PLEKHO1: variants seen among roughly 807,000 people sequenced by gnomAD.
PLEKHO1 encodes pleckstrin homology domain-containing family O member 1.
In PLEKHO1, 22 loss-of-function variants were observed where a neutral mutation model predicts 41.4. The observed-to-expected ratio is 0.53, with a 90% CI of 0.38 to 0.76. PLEKHO1 has a LOEUF of 0.76. PLEKHO1 is among the 30% of genes least tolerant of loss of function. The pLI is 0.00. For missense variants in PLEKHO1, 488 were observed against 518.3 expected (o/e 0.94, Z 0.57); for synonymous variants, 225 against 210.8 (o/e 1.07, Z -0.58).
chr1:150,154,119 C>T (rs1553819800), intron 2 of PLEKHO1: 2 of 151,446 alleles, frequency 1.3e-5, no homozygotes, highest in Admixed American at 6.6e-5. Context: ...CCTTCCCTTC[C>T]CCTAAGGAAA....
In PLEKHO1 at chr1:150,150,287, G is replaced by A. The variant is rs1379157892; in HGVS notation, c.30G>A (p.Arg10=). ...TGAAGAAGAACAATTCCGCCAAGCG[G>A]GTGAGTGCGCTTGCCCGCCCTGCGG... is the stretch of plus-strand genomic sequence containing the variant. MMKKNNSAK[R]GPQDGNQQPA... Residue 10 remains arginine (R), a splice_region_variant and synonymous_variant, in exon 1 of 6, where the codon CGG becomes CGA. Coordinates refer to ENST00000369124, the MANE Select transcript of PLEKHO1 (RefSeq NM_016274.6). The A allele has an allele frequency of 9.0e-7, 1 of 1,113,460 alleles. No individual in the cohort carries two copies. Among genetic ancestry groups the A allele is most frequent in the African/African-American group, 1.7e-5 (1 of 60,188 alleles). The allele number at this position is 1,113,460 out of a possible 1,614,324, so 69.0% of individuals were successfully genotyped here.
At chr1:150,156,316 T>G in intron 3 of PLEKHO1, 110 bp downstream of exon 3, 1 of 871,506 alleles carries the variant, frequency 1.1e-6, no homozygotes, top group Non-Finnish European at 1.8e-6. Flanking sequence ...TCAGATTCCC[T>G]GAATTGCTCT....
Position 150,158,869 on chromosome 1 carries a change from G to A in PLEKHO1, c.576G>A (p.Glu192=), listed in dbSNP as rs782601318. The A allele has an allele frequency of 1.2e-6, 2 of 1,613,826 alleles. No individual in the cohort carries two copies. Among genetic ancestry groups the A allele is most frequent in the Non-Finnish European group, 8.5e-7 (1 of 1,179,738 alleles). Residue 192 remains glutamate, a synonymous_variant, in exon 6 of 6, where the codon GAG becomes GAA. Transcript: ENST00000369124. ...DGMLTLDLIQ[E]EDPSPEEPTS... ...TGCTGACCTTGGACTTGATCCAAGA[G>A]GAAGACCCTTCCCCTGAGGAACCAA... is the stretch of plus-strand genomic sequence containing the variant.
intron 3 of PLEKHO1, among the ~76,000 whole-genome samples, chr1:150,156,672 C>G (rs1476825313): frequency 6.6e-6 from 1 of 152,166 alleles, no homozygotes; most frequent in East Asian, 1.9e-4. Context: ...TAATACCATA[C>G]TAATATTCAG....
rs149847340 is a variant in PLEKHO1 at position 150,155,954 on chromosome 1, G to A, written c.178-112G>A. On this transcript the variant is annotated intron_variant, in intron 2 of 5. Coordinates refer to ENST00000369124, the MANE Select transcript of PLEKHO1 (RefSeq NM_016274.6). ...GCAGACGGCCCTCTCCTCTCCTGGC[G>A]TGCCTCCCTCTCCTCAGGCTTCCTC... 5.5e-5 allele frequency: 53 copies of A among 962,640 alleles called. 1 individual carries two copies. The highest frequency in any genetic ancestry group is 4.7e-4 in the African/African-American group (29 of 61,256). 59.6% of individuals were successfully genotyped at this position (962,640 alleles called of 1,614,324 possible). A position where few individuals can be genotyped will look rare whatever the true frequency, so the allele number is the denominator to read the frequency against.
Position 150,157,493 on chromosome 1 carries a change from A to G in PLEKHO1, c.525+7A>G. The G allele has an allele frequency of 6.3e-7, 1 of 1,590,582 alleles. No individual in the cohort carries two copies. Among genetic ancestry groups the G allele is most frequent in the Non-Finnish European group, 8.6e-7 (1 of 1,158,834 alleles). On this transcript the variant is annotated splice_region_variant and intron_variant, in intron 5 of 5. Coordinates refer to ENST00000369124, the MANE Select transcript of PLEKHO1 (RefSeq NM_016274.6). ...GGGACACCTAATGGCTGTGGTATGT[A>G]AGACTGTAATAAACATTGCCAAAGG...
chr1:150,150,856 A>AGAC, intron 1 of PLEKHO1, 56 bp from the exon 2 acceptor site: 1 of 1,544,182 alleles, frequency 6.5e-7, no homozygotes, highest in Non-Finnish European at 8.9e-7. Flanking sequence ...ACGGACGGAG[A>AGAC]GGAAGCGCCG....
At chr1:150,155,291 G>A (rs1241136773) in intron 2 of PLEKHO1, 1 of 152,158 alleles carries the variant, frequency 6.6e-6, no homozygotes. Context: ...TTTTTTCCAA[G>A]TCTAAAGTGT....
Position 150,158,857 on chromosome 1 carries a change from C to T in PLEKHO1, c.564C>T (p.Asp188=). The T allele has an allele frequency of 3.7e-6, 6 of 1,612,834 alleles. No homozygotes were observed. Among genetic ancestry groups the T allele is most frequent in the Non-Finnish European group, 5.1e-6 (6 of 1,178,930 alleles). Residue 188 remains aspartate, a synonymous_variant, in exon 6 of 6, where the codon GAC becomes GAT. Coordinates refer to ENST00000369124, the MANE Select transcript of PLEKHO1 (RefSeq NM_016274.6). The part of the protein sequence containing the change: ...TSTSDGMLTL[D]LIQEEDPSPE... ...CCTCGGATGGGATGCTGACCTTGGACTTGATCCAAGAGGAAGACCCTTCCC... is the reference window on the plus strand; with the variant it reads ...CCTCGGATGGGATGCTGACCTTGGATTTGATCCAAGAGGAAGACCCTTCCC...
chr1:150,157,272 C>G, intron 4 of PLEKHO1, 113 bp from the exon 5 acceptor site: 1 of 844,258 alleles, frequency 1.2e-6, no homozygotes, highest in East Asian at 2.6e-5. Flanking sequence ...CAGTAAATCC[C>G]CTTGCCCATT....
In PLEKHO1 at chr1:150,150,650, ACCTGGGAGCCTCTCCGCGCCCGG is replaced by A; in HGVS notation, c.31-259_31-237del. ...GGCGGGGGCGCAGGGCCTGGAGGGA[ACCTGGGAGCCTCTCCGCGCCCGG>A]CCGGCGCCCCTGCCACTTGCAGCCC... On this transcript the variant is annotated intron_variant, in intron 1 of 5. Transcript: ENST00000369124. The A allele has an allele frequency of 7.0e-6, 3 of 426,182 alleles. No individual in the cohort carries two copies. The South Asian group carries it at 7.4e-5, about 11-fold the overall frequency. The allele number at this position is 426,182 out of a possible 1,614,324, so 26.4% of individuals were successfully genotyped here. A position where few individuals can be genotyped will look rare whatever the true frequency, so the allele number is the denominator to read the frequency against.
chr1:150,158,837 GA>G lies in PLEKHO1; in HGVS notation c.545del (p.Asp182ValfsTer4). On this transcript the variant is annotated frameshift_variant, in exon 6 of 6. Transcript: ENST00000369124. LOFTEE classifies it high-confidence loss of function. ...LMAVASTSTS[D>X]GMLTLDLIQE... ...TCCACAGGCTTCCACCTCTACCTCG[GA>G]TGGGATGCTGACCTTGGACTTGATC... is the stretch of plus-strand genomic sequence containing the variant. The G allele has an allele frequency of 6.2e-7, 1 of 1,606,556 alleles. No individual in the cohort carries two copies. The highest frequency in any genetic ancestry group is 8.5e-7 in the Non-Finnish European group (1 of 1,173,918).
At chr1:150,156,829 ATTAT>A in intron 3 of PLEKHO1, 78 bp from the exon 4 acceptor site, 2 of 842,232 alleles carry the variant, frequency 2.4e-6, no homozygotes, top group Non-Finnish European at 4.2e-6. Context: ...AGAAAGTGAG[ATTAT>A]AATCTCTTAT....
intron 3 of PLEKHO1, among the ~76,000 whole-genome samples, chr1:150,156,581 C>T (rs1660178756): frequency 6.6e-6 from 1 of 152,150 alleles, no homozygotes; most frequent in Non-Finnish European, 1.5e-5. Flanking sequence ...GGAAGTTATT[C>T]CTGTCACATT....
At position 150,159,843 on chromosome 1, in the gene PLEKHO1, G is replaced by C. The variant is rs1300672164; in HGVS notation, c.*320G>C. The C allele has an allele frequency of 4.2e-6, 1 of 237,874 alleles. No individual in the cohort carries two copies. The highest frequency in any genetic ancestry group is 8.4e-5 in the East Asian group (1 of 11,946). 14.7% of individuals were successfully genotyped at this position (237,874 alleles called of 1,614,324 possible). A position where few individuals can be genotyped will look rare whatever the true frequency, so the allele number is the denominator to read the frequency against. On this transcript the variant is annotated 3_prime_UTR_variant, in exon 6 of 6. Coordinates refer to ENST00000369124, the MANE Select transcript of PLEKHO1 (RefSeq NM_016274.6). The stretch of plus-strand genomic sequence containing the variant: ...CCCAAGACGGCACAGGGAGTCCACT[G>C]CTGCTCCCAAGGATACAGTGGGCTT...
intron 2 of PLEKHO1, chr1:150,152,688 T>TAAAAAAAAAAAAAAAAAAAA (rs1407877862): frequency 2.7e-5 from 2 of 74,024 alleles, no homozygotes. Flanking sequence ...CTTTCTAAAT[T>TAAAAAAAAAAAAAAAAAAAA]AAAAAAAAAA....
At chr1:150,157,253 C>G (rs868953106) in intron 4 of PLEKHO1, 132 bp from the exon 5 acceptor site, 2 of 776,884 alleles carry the variant, frequency 2.6e-6, no homozygotes, top group Middle Eastern at 6.9e-4. Flanking sequence ...AAAGAGCCCC[C>G]TTCGTGTCCA....
Position 150,159,698 on chromosome 1 carries a change from C to CT in PLEKHO1, c.*176dup, listed in dbSNP as rs1660355983. ...TGCCCCACCTACTTTCCATATGCCC[C>CT]TCGTATGCCCCTCAGGTTTGAGGAA... On this transcript the variant is annotated 3_prime_UTR_variant, in exon 6 of 6. Coordinates refer to ENST00000369124, the MANE Select transcript of PLEKHO1 (RefSeq NM_016274.6). The CT allele has an allele frequency of 3.7e-6, 2 of 542,428 alleles. No individual in the cohort carries two copies. The highest frequency in any genetic ancestry group is 6.6e-6 in the Non-Finnish European group (2 of 302,180). The allele number at this position is 542,428 out of a possible 1,614,324, so 33.6% of individuals were successfully genotyped here.
chr1:150,150,785 G>GC (rs1250544764), intron 1 of PLEKHO1, 127 bp from the exon 2 acceptor site: 4 of 788,542 alleles, frequency 5.1e-6, no homozygotes, highest in African/African-American at 1.8e-5. Flanking sequence ...ACCTGGGGCG[G>GC]CCCCCCGCCC....
Sources: gnomAD v4.1 joint callset for allele counts (sites outside exome capture counted in the v4.1 genomes callset) on GRCh38, gnomAD v4.1.1 for gene constraint, MANE v1.5 for transcripts, NCBI Gene and HGNC (gene_info 2026-07-23, HGNC 2026-07-21) for gene names.